Variants in PCDHAC1 observed in about 807,000 individuals in gnomAD.
PCDHAC1 encodes the protein protocadherin alpha-C1.
A neutral mutation model predicts 60.0 loss-of-function variants in PCDHAC1; 42 were observed. The observed-to-expected ratio is 0.70, with a 90% CI of 0.55 to 0.90. The LOEUF (loss-of-function observed/expected upper bound fraction) is 0.90. Ranked by LOEUF, PCDHAC1 falls within the 40% of genes least tolerant of loss-of-function variation. PCDHAC1 has a pLI of 0.00. For missense variants in PCDHAC1, 1,160 were observed against 1,222.3 expected (o/e 0.95, Z 0.76); for synonymous variants, 468 against 499.3 (o/e 0.94, Z 0.84).
At chr5:141,003,658 A>G (rs1379758431) in intron 3 of PCDHAC1, among the ~76,000 whole-genome samples, 2 of 152,212 alleles carry the variant, frequency 1.3e-5, no homozygotes, top group Non-Finnish European at 2.9e-5. Flanking sequence ...GTATGCATTT[A>G]TTAAAATATA....
intron 3 of PCDHAC1, among the ~76,000 whole-genome samples, chr5:141,005,799 T>A (rs1207641244): frequency 7.5e-6 from 1 of 133,220 alleles, no homozygotes; most frequent in African/African-American, 2.8e-5. Context: ...CAAAAACAAC[T>A]CCAAGGAGCC....
At chr5:140,938,415 T>A (rs1034279514) in intron 1 of PCDHAC1, among the ~76,000 whole-genome samples, 6 of 152,190 alleles carry the variant, frequency 3.9e-5, no homozygotes, top group African/African-American at 1.4e-4. Context: ...TTGGGTTTAT[T>A]TGCAAAAATC....
intron 1 of PCDHAC1, chr5:140,967,383 T>A: frequency 6.2e-7 from 1 of 1,608,702 alleles, no homozygotes; most frequent in Non-Finnish European, 8.5e-7. Flanking sequence ...AACAGTAAAG[T>A]GCTTGAGCTG....
At position 140,928,807 on chromosome 5, in the gene PCDHAC1, C is replaced by G. The variant is rs782261335; in HGVS notation, c.1915C>G (p.Arg639Gly). 1 of 1,614,094 alleles carries G rather than the reference C, an allele frequency of 6.2e-7. No homozygotes were observed. The highest frequency in any genetic ancestry group is 1.7e-5 in the Admixed American group (1 of 60,020). ...TAAGCAGAGGGTGGTGGTAGTGGTTCGGGACCATGGAGACCCACCACTTTC... is the reference window on the plus strand; with the variant it reads ...TAAGCAGAGGGTGGTGGTAGTGGTTGGGGACCATGGAGACCCACCACTTTC... ...AVKQRVVVVV[R>G]DHGDPPLSSS... The change falls in exon 1 of 4, where the codon CGG becomes GGG. Residue 639 changes from arginine (R) to glycine (G), a missense_variant. Transcript: ENST00000253807.
At chr5:140,943,516 A>T (rs1202948180) in intron 1 of PCDHAC1, among the ~76,000 whole-genome samples, 1 of 152,176 alleles carries the variant, frequency 6.6e-6, no homozygotes, top group Admixed American at 6.5e-5. Context: ...GGAAATGTTG[A>T]GTTCAGTATG....
intron 2 of PCDHAC1, among the ~76,000 whole-genome samples, chr5:140,982,139 A>G (rs1381844546): frequency 1.3e-5 from 2 of 152,260 alleles, no homozygotes; most frequent in Non-Finnish European, 2.9e-5. Flanking sequence ...AGCCCTCCTC[A>G]TCTGCTTCAG....
chr5:140,963,770 C>T (rs1296794666), intron 1 of PCDHAC1, among the ~76,000 whole-genome samples: 2 of 152,176 alleles, frequency 1.3e-5, no homozygotes, highest in Non-Finnish European at 2.9e-5. Context: ...TATTTCATGA[C>T]GACAGCAACA....
chr5:140,950,605 A>T (rs1199751655), intron 1 of PCDHAC1, among the ~76,000 whole-genome samples: 1 of 151,926 alleles, frequency 6.6e-6, no homozygotes, highest in Non-Finnish European at 1.5e-5. Flanking sequence ...TTTGACTATG[A>T]TGTGCTTATT....
chr5:140,950,110 C>A (rs542585854), intron 1 of PCDHAC1, among the ~76,000 whole-genome samples: 23 of 151,848 alleles, frequency 1.5e-4, no homozygotes, highest in African/African-American at 5.5e-4. Context: ...AAATCTCATA[C>A]AATACAAAAC....
At position 140,969,313 on chromosome 5, in the gene PCDHAC1, G is replaced by A. The variant is rs2096317901; in HGVS notation, c.2434-9636G>A. 3.7e-6 allele frequency: 6 copies of A among 1,614,160 alleles called. No homozygotes were observed. In the East Asian group the frequency reaches 8.9e-5, roughly 24 times the overall value. ...GGAACCTGATTATTCTCAAAAATGAGGCTGTTTCTCAAAATGAGGTGAGAC... is the reference window on the plus strand; with the variant it reads ...GGAACCTGATTATTCTCAAAAATGAAGCTGTTTCTCAAAATGAGGTGAGAC... On this transcript the variant is annotated intron_variant, in intron 1 of 3. Coordinates refer to ENST00000253807, the MANE Select transcript of PCDHAC1 (RefSeq NM_018898.5).
chr5:140,969,331 G>A, intron 1 of PCDHAC1: 1 of 1,614,042 alleles, frequency 6.2e-7, no homozygotes, highest in Non-Finnish European at 8.5e-7. Context: ...CTCAAAATGA[G>A]GTGAGACAGT....
intron 1 of PCDHAC1, chr5:140,967,414 C>T: frequency 6.2e-7 from 1 of 1,613,156 alleles, no homozygotes; most frequent in African/African-American, 1.3e-5. Context: ...AGGGCCTAGA[C>T]CGGGAGCAGG....
At chr5:140,982,092 G>A (rs984553109) in intron 2 of PCDHAC1, among the ~76,000 whole-genome samples, 1 of 152,218 alleles carries the variant, frequency 6.6e-6, no homozygotes, top group African/African-American at 2.4e-5. Context: ...CTAGGAACAA[G>A]AGAACCTGCA....
At chr5:140,969,945 A>G (rs2096371634) in intron 1 of PCDHAC1, among the ~76,000 whole-genome samples, 1 of 152,214 alleles carries the variant, frequency 6.6e-6, no homozygotes, top group South Asian at 2.1e-4. Flanking sequence ...TACTGAAGCT[A>G]AAGTTTGCTT....
At chr5:141,006,276 A>T (rs2098265134) in intron 3 of PCDHAC1, among the ~76,000 whole-genome samples, 1 of 151,894 alleles carries the variant, frequency 6.6e-6, no homozygotes, top group Admixed American at 6.6e-5. Context: ...CAGTGGCACG[A>T]TCTCAGCTCA....
In PCDHAC1 at chr5:140,927,929, C is replaced by G. The variant is rs762916391; in HGVS notation, c.1037C>G (p.Ser346Trp). The change falls in exon 1 of 4, where the codon TCG becomes TGG. Residue 346 changes from serine (S) to tryptophan (W), a missense_variant. Ser to Trp is a radical substitution (Grantham distance 177, BLOSUM62 -3). Coordinates refer to ENST00000253807, the MANE Select transcript of PCDHAC1 (RefSeq NM_018898.5). Reference protein sequence around the residue: ...HAPELDFLTLSNPVPEDAAPG... With the variant: ...HAPELDFLTLWNPVPEDAAPG... ...CCCGAACTGGACTTCCTGACTCTTT[C>G]GAACCCAGTACCTGAGGACGCTGCC... The G allele has an allele frequency of 6.2e-7, 1 of 1,614,208 alleles. No individual in the cohort carries two copies. The highest frequency in any genetic ancestry group is 8.5e-7 in the Non-Finnish European group (1 of 1,180,044).
intron 1 of PCDHAC1, 159 bp from the exon 2 acceptor site, chr5:140,978,790 T>C (rs2096823347): frequency 3.1e-6 from 3 of 975,976 alleles, no homozygotes; most frequent in Non-Finnish European, 3.7e-6. Flanking sequence ...TAAAGTGCTA[T>C]ATATGTAGAT....
chr5:141,007,325 C>T (rs1303133451), intron 3 of PCDHAC1, among the ~76,000 whole-genome samples: 1 of 145,322 alleles, frequency 6.9e-6, no homozygotes, highest in Non-Finnish European at 1.5e-5. Flanking sequence ...CTAAAGTGGA[C>T]AGATTGCCTG....
At position 140,928,442 on chromosome 5, in the gene PCDHAC1, A is replaced by G. The variant is rs781976941; in HGVS notation, c.1550A>G (p.Gln517Arg). 1.2e-6 allele frequency: 2 copies of G among 1,614,166 alleles called. No homozygotes were observed. Among genetic ancestry groups the G allele is most frequent in the South Asian group, 1.1e-5 (1 of 91,076 alleles). ...ITAKTSFDFE[Q>R]LRGFHFQVEG... is the part of the protein sequence containing the mutation. Reference sequence around the variant, plus strand: ...GCCAAAACTTCCTTTGACTTTGAGCAGCTCAGGGGGTTTCATTTCCAAGTA... The same window carrying G: ...GCCAAAACTTCCTTTGACTTTGAGCGGCTCAGGGGGTTTCATTTCCAAGTA... Residue 517 changes from glutamine to arginine, a missense_variant, in exon 1 of 4, where the codon CAG becomes CGG. Gln to Arg is a conservative substitution (Grantham distance 43, BLOSUM62 1). Around this residue, in one of 3 missense-constraint regions of PCDHAC1, gnomAD observed 1,113 missense variants for 1,163.7 expected, o/e 0.96. Coordinates refer to ENST00000253807, the MANE Select transcript of PCDHAC1 (RefSeq NM_018898.5).
Sources: allele counts gnomAD v4.1 joint callset (sites outside exome capture counted in the v4.1 genomes callset), GRCh38; gene constraint gnomAD v4.1.1; regional missense constraint gnomAD v4.1.1; transcripts MANE v1.5; gene names NCBI Gene and HGNC (gene_info 2026-07-23, HGNC 2026-07-21).